PLRG1: variants seen among roughly 807,000 people sequenced by gnomAD.
The protein encoded by PLRG1 is pleiotropic regulator 1 (PRL1 homolog, Arabidopsis).
PLRG1 carries 28 observed loss-of-function variants against 74.9 expected under a neutral mutation model. The observed-to-expected ratio is 0.37, with a 90% CI of 0.28 to 0.51. The LOEUF (loss-of-function observed/expected upper bound fraction) is 0.51, where lower values mean the gene tolerates loss of function less well. Among genes scored for constraint, PLRG1 ranks in the 20% least tolerant of loss-of-function variants. The pLI is 0.91. For missense variants in PLRG1, 445 were observed against 631.9 expected (o/e 0.70, Z 3.17); for synonymous variants, 197 against 212.4 (o/e 0.93, Z 0.63).
chr4:154,536,667 G>GA lies in PLRG1; in HGVS notation c.*17dup, dbSNP rs1729458558. The GA allele has an allele frequency of 1.5e-6, 2 of 1,348,164 alleles. No homozygotes were observed. The highest frequency in any genetic ancestry group is 2.0e-5 in the Admixed American group (1 of 50,588). 83.5% of individuals were successfully genotyped at this position (1,348,164 alleles called of 1,614,324 possible). A position where few individuals can be genotyped will look rare whatever the true frequency, so the allele number is the denominator to read the frequency against. On this transcript the variant is annotated 3_prime_UTR_variant, in exon 15 of 15. Transcript: ENST00000499023. ...AATTAAAAAGAAAAAAAAAGAGAGA[G>GA]AAAAAATTCCACATTCATTAAAATC...
Position 154,535,477 on chromosome 4 carries a change from C to G in PLRG1, c.*1208G>C, listed in dbSNP as rs1729429394. The G allele has an allele frequency of 6.6e-6, 1 of 150,706 alleles. No homozygotes were observed. Among genetic ancestry groups the G allele is most frequent in the Non-Finnish European group, 1.5e-5 (1 of 67,760 alleles). The allele number at this position is 150,706 out of a possible 1,614,324, so 9.3% of individuals were successfully genotyped here. On this transcript the variant is annotated 3_prime_UTR_variant, in exon 15 of 15. Coordinates refer to ENST00000499023, the MANE Select transcript of PLRG1 (RefSeq NM_002669.4). ...TCCCAGAAAACTACATTCCTAAAGG[C>G]TGTGACAATTATACTCCCACCTATG... is the stretch of plus-strand genomic sequence containing the variant.
intron 11 of PLRG1, among the ~76,000 whole-genome samples, 172 bp downstream of exon 11, chr4:154,539,779 A>T (rs961575810): frequency 6.6e-6 from 1 of 152,272 alleles, no homozygotes; most frequent in Non-Finnish European, 1.5e-5. Flanking sequence ...AGGTAAAAAC[A>T]GTGGAATGAA....
chr4:154,547,190 A>G (rs1455369418), intron 3 of PLRG1, 126 bp from the exon 4 acceptor site: 3 of 744,672 alleles, frequency 4.0e-6, no homozygotes, highest in Non-Finnish European at 7.1e-6. Flanking sequence ...ACTAAAGTCA[A>G]GCCTCAGAAA....
At position 154,540,667 on chromosome 4, in the gene PLRG1, C is replaced by T; in HGVS notation, c.866G>A (p.Ser289Asn). ...KVIRHYHGHL[S>N]AVYGLDLHPT... ...GTGCAAATCCAAACCATACACTGCA[C>T]TTAAATGTCCATGATAATGCCGTAT... is the stretch of plus-strand genomic sequence containing the variant. Residue 289 changes from serine to asparagine, a missense_variant, in exon 10 of 15, where the codon AGT becomes AAT. Physicochemically the swap from Ser to Asn is conservative, Grantham distance 46. Around this residue, in one of 3 missense-constraint regions of PLRG1, gnomAD observed 221 missense variants for 377.7 expected, o/e 0.59. Coordinates refer to ENST00000499023, the MANE Select transcript of PLRG1 (RefSeq NM_002669.4). 1.2e-6 allele frequency: 2 copies of T among 1,613,436 alleles called. No individual in the cohort carries two copies. Among genetic ancestry groups the T allele is most frequent in the Non-Finnish European group, 1.7e-6 (2 of 1,179,548 alleles).
chr4:154,550,181 T>C (rs895207720), intron 1 of PLRG1, 119 bp downstream of exon 1: 25 of 973,862 alleles, frequency 2.6e-5, no homozygotes, highest in Non-Finnish European at 3.5e-5. Flanking sequence ...CTTGGCCAAA[T>C]AGCTCCCCTC....
intron 1 of PLRG1, 94 bp from the exon 2 acceptor site, chr4:154,549,029 T>C (rs535552470): frequency 5.2e-6 from 4 of 768,686 alleles, no homozygotes; most frequent in South Asian, 4.3e-5. Flanking sequence ...TGTTTAAATA[T>C]GTAAAAAGCT....
chr4:154,545,001 C>T (rs1729623090), intron 6 of PLRG1, among the ~76,000 whole-genome samples: 1 of 152,172 alleles, frequency 6.6e-6, no homozygotes, highest in South Asian at 2.1e-4. Context: ...CAAAGACTGA[C>T]AGTTCCTTCT....
Position 154,547,145 on chromosome 4 carries a change from A to G in PLRG1, c.260-81T>C, listed in dbSNP as rs116754399. 3,561 of 1,019,326 alleles carry G rather than the reference A, an allele frequency of 3.5e-3. 62 individuals are homozygous for G. In the African/African-American group the frequency reaches 0.048, roughly 14 times the overall value. The allele number at this position is 1,019,326 out of a possible 1,614,324, so 63.1% of individuals were successfully genotyped here. A position where few individuals can be genotyped will look rare whatever the true frequency, so the allele number is the denominator to read the frequency against. On this transcript the variant is annotated intron_variant, in intron 3 of 14. Coordinates refer to ENST00000499023, the MANE Select transcript of PLRG1 (RefSeq NM_002669.4). Reference sequence around the variant, plus strand: ...CATCTCTTTAAATGTATCAAGTAATATTAAGTTTTCAACTGGATCTATCAA... The same window carrying G: ...CATCTCTTTAAATGTATCAAGTAATGTTAAGTTTTCAACTGGATCTATCAA...
At chr4:154,545,152 C>A (rs1028368194) in intron 6 of PLRG1, among the ~76,000 whole-genome samples, 1 of 151,922 alleles carries the variant, frequency 6.6e-6, no homozygotes, top group Non-Finnish European at 1.5e-5. Context: ...TAAATTATAC[C>A]CTCATAAGGA....
In PLRG1 at chr4:154,544,625, G is replaced by T. The variant is rs1729615491; in HGVS notation, c.493-79C>A. On this transcript the variant is annotated intron_variant, in intron 6 of 14. Coordinates refer to ENST00000499023, the MANE Select transcript of PLRG1 (RefSeq NM_002669.4). ...TGATATCAATTCAGAAATGGAAATG[G>T]AAAGAGGGAACTTACAAAAGAATTT... 31 of 753,798 alleles carry T rather than the reference G, an allele frequency of 4.1e-5. 1 individual carries two copies. The South Asian group carries it at 5.1e-4, about 12-fold the overall frequency. The allele number at this position is 753,798 out of a possible 1,614,324, so 46.7% of individuals were successfully genotyped here.
At chr4:154,537,505 C>T (rs1400375320) in intron 13 of PLRG1, 26 bp from the exon 14 acceptor site, 1 of 1,534,916 alleles carries the variant, frequency 6.5e-7, no homozygotes, top group South Asian at 1.1e-5. Context: ...CTAGTTACAC[C>T]TGGTATCCCC....
intron 3 of PLRG1, 48 bp from the exon 4 acceptor site, chr4:154,547,112 A>G: frequency 7.7e-7 from 1 of 1,294,292 alleles, no homozygotes. Context: ...ACCTTATACA[A>G]AAGTTATCAT....
At chr4:154,549,075 C>T (rs1032618030) in intron 1 of PLRG1, 140 bp from the exon 2 acceptor site, 3 of 643,756 alleles carry the variant, frequency 4.7e-6, no homozygotes, top group Non-Finnish European at 8.6e-6. Context: ...TTGCAAGCTA[C>T]AGGAGTCAAG....
rs749771798 is a variant in PLRG1, at chr4:154,540,789, T to C, written c.833A>G (p.Asn278Ser). Residue 278 changes from asparagine to serine, a missense_variant, in exon 9 of 15, where the codon AAT becomes AGT. Transcript: ENST00000499023. ...AATCCTTAACTCCAAACTTACCTTA[T>C]TGTATTCGAGATCCCAGCATTTCAC... ...KQVKCWDLEY[N>S]KVIRHYHGHL... The C allele has an allele frequency of 1.2e-6, 2 of 1,613,458 alleles. No homozygotes were observed. The highest frequency in any genetic ancestry group is 1.7e-6 in the Non-Finnish European group (2 of 1,179,612).
chr4:154,549,325 A>G (rs1484109749), intron 1 of PLRG1, among the ~76,000 whole-genome samples: 1 of 152,240 alleles, frequency 6.6e-6, no homozygotes, highest in Non-Finnish European at 1.5e-5. Context: ...TGAAGGCAAC[A>G]AGCAAGGCGC....
chr4:154,540,997 C>G, intron 8 of PLRG1, 63 bp from the exon 9 acceptor site: 9 of 1,171,528 alleles, frequency 7.7e-6, no homozygotes, highest in Non-Finnish European at 1.1e-5. Flanking sequence ...ATTTTAGAAA[C>G]CTGATTATTA....
At chr4:154,547,682 T>G (rs753678683) in intron 3 of PLRG1, 29 bp downstream of exon 3, 1 of 1,590,728 alleles carries the variant, frequency 6.3e-7, no homozygotes. Flanking sequence ...CACATATAAG[T>G]CTGACATTTC....
At chr4:154,547,165 T>TATCATC (rs1462310360) in intron 3 of PLRG1, 101 bp from the exon 4 acceptor site, 1 of 877,392 alleles carries the variant, frequency 1.1e-6, no homozygotes, top group Non-Finnish European at 1.9e-6. Context: ...CAACTGGATC[T>TATCATC]ATCAAATTTT....
In PLRG1 at chr4:154,537,390, T is replaced by C. The variant is rs943682527; in HGVS notation, c.1381A>G (p.Ser461Gly). 1.2e-6 allele frequency: 2 copies of C among 1,613,398 alleles called. No homozygotes were observed. The highest frequency in any genetic ancestry group is 2.2e-5 in the East Asian group (1 of 44,868). The change falls in exon 14 of 15, where the codon AGT (serine) becomes GGT (glycine). Residue 461 changes from serine to glycine, a missense_variant. Transcript: ENST00000499023. ...GCACAAGCAAATATTCCTGATTCAC[T>C]GTCCAAAGACCCAGGTTGCACAGCT... ...HAAVQPGSLD[S>G]ESGIFACAFD... is the part of the protein sequence containing the mutation.
Sources: allele counts gnomAD v4.1 joint callset (sites outside exome capture counted in the v4.1 genomes callset), GRCh38; gene constraint gnomAD v4.1.1; regional missense constraint gnomAD v4.1.1; transcripts MANE v1.5; gene names NCBI Gene and HGNC (gene_info 2026-07-23, HGNC 2026-07-21).